Variants in DPH6 observed in about 807,000 individuals in gnomAD.
The protein encoded by DPH6 is diphthine--ammonia ligase.
DPH6 carries 33 observed loss-of-function variants against 38.2 expected under a neutral mutation model. The observed-to-expected ratio is 0.86, with a 90% CI of 0.65 to 1.15. The LOEUF is 1.15. Ranked by LOEUF, DPH6 falls within the 50% of genes most tolerant of loss-of-function variation. The pLI is 0.00. For synonymous variants in DPH6, 108 were observed against 103.0 expected (o/e 1.05, Z -0.30); for missense variants, 325 against 320.0 (o/e 1.02, Z -0.12).
chr15:35,306,449 T>C (rs1198629013), intron 3 of DPH6, among the ~76,000 whole-genome samples: 1 of 152,184 alleles, frequency 6.6e-6, no homozygotes, highest in East Asian at 1.9e-4. Flanking sequence ...TGGTGTTCTA[T>C]CATTCAAAGC....
intron 5 of DPH6, among the ~76,000 whole-genome samples, chr15:35,442,877 CAGGGGTTGG>C (rs966862665): frequency 6.6e-6 from 1 of 152,056 alleles, no homozygotes; most frequent in African/African-American, 2.4e-5. Context: ...AGCAGTGGGG[CAGGGGTTGG>C]AGGCAACTTG....
At chr15:35,524,596 T>A (rs8034598) in intron 3 of DPH6, among the ~76,000 whole-genome samples, 16,876 of 152,176 alleles carry the variant, frequency 0.11, 1,446 homozygotes, top group African/African-American at 0.24. Flanking sequence ...GTTCTACCAC[T>A]TTTTAGCTGT....
At chr15:35,243,277 A>C (rs1331693683) in intron 3 of DPH6, among the ~76,000 whole-genome samples, 4,381 of 140,006 alleles carry the variant, frequency 0.031, 560 homozygotes, top group African/African-American at 0.11. Context: ...CGCCCCTAAT[A>C]CCGCTTGAAG....
At chr15:35,420,794 G>A (rs754109274) in intron 5 of DPH6, among the ~76,000 whole-genome samples, 9 of 152,122 alleles carry the variant, frequency 5.9e-5, no homozygotes, top group African/African-American at 1.7e-4. Context: ...GGATTACAGC[G>A]TGAGCCACTG....
At chr15:35,393,230 A>G (rs547969888) in intron 6 of DPH6, among the ~76,000 whole-genome samples, 5 of 152,272 alleles carry the variant, frequency 3.3e-5, no homozygotes, top group Admixed American at 3.3e-4. Context: ...GCAAGTAGCA[A>G]TGGGGATGGA....
At chr15:35,386,790 T>C (rs2052966291) in intron 6 of DPH6, among the ~76,000 whole-genome samples, 1 of 152,206 alleles carries the variant, frequency 6.6e-6, no homozygotes, top group Admixed American at 6.5e-5. Context: ...ATTTTGTAGG[T>C]TGCCTGTTCA....
intron 3 of DPH6, among the ~76,000 whole-genome samples, chr15:35,269,044 C>T (rs988829347): frequency 1.3e-5 from 2 of 152,154 alleles, no homozygotes; most frequent in Non-Finnish European, 2.9e-5. Flanking sequence ...TTTACAATAA[C>T]TCCCCAATAT....
intron 5 of DPH6, among the ~76,000 whole-genome samples, chr15:35,438,342 C>T (rs1566909976): frequency 6.6e-6 from 1 of 152,108 alleles, no homozygotes; most frequent in African/African-American, 2.4e-5. Flanking sequence ...ACTGCAACCT[C>T]CATGTCCCTG....
chr15:35,463,898 T>A (rs2054095173), intron 3 of DPH6, among the ~76,000 whole-genome samples: 1 of 152,104 alleles, frequency 6.6e-6, no homozygotes, highest in Non-Finnish European at 1.5e-5. Context: ...TTGTGACAGG[T>A]CCTATACTAG....
intron 3 of DPH6, chr15:35,237,243 T>C: frequency 2.4e-6 from 3 of 1,235,522 alleles, no homozygotes; most frequent in Admixed American, 3.4e-5. Flanking sequence ...CGGAGCTGGT[T>C]GAGCCTTGAA....
chr15:35,301,731 C>T (rs537101963), intron 3 of DPH6, among the ~76,000 whole-genome samples: 4 of 152,150 alleles, frequency 2.6e-5, no homozygotes, highest in South Asian at 2.1e-4. Context: ...CCAGCACTTT[C>T]GGAGGCCAAG....
chr15:35,483,475 A>C (rs199892656), intron 3 of DPH6, among the ~76,000 whole-genome samples: 3 of 113,896 alleles, frequency 2.6e-5, no homozygotes, highest in East Asian at 2.6e-4. Context: ...AAAAAAAACC[A>C]AAAAAAAAAA....
downstream of DPH6, among the ~76,000 whole-genome samples, chr15:35,214,899 C>T (rs544087905): frequency 7.9e-5 from 12 of 152,286 alleles, no homozygotes; most frequent in South Asian, 4.1e-4. Flanking sequence ...TGAGCCACCA[C>T]GCTTGGCCCT....
At chr15:35,329,728 TAG>T (rs2052312638), downstream of DPH6, among the ~76,000 whole-genome samples, 1 of 152,138 alleles carries the variant, frequency 6.6e-6, no homozygotes, top group Non-Finnish European at 1.5e-5. Flanking sequence ...GTAATTCACT[TAG>T]CTCTCCCCTA....
chr15:35,198,534 T>C, the DPH6 span, among the ~76,000 whole-genome samples: 1 of 152,210 alleles, frequency 6.6e-6, no homozygotes, highest in Non-Finnish European at 1.5e-5. Context: ...GCATACAAAA[T>C]TATTCATTTA....
At chr15:35,480,472 A>G (rs2054313679) in intron 3 of DPH6, among the ~76,000 whole-genome samples, 1 of 152,086 alleles carries the variant, frequency 6.6e-6, no homozygotes, top group South Asian at 2.1e-4. Context: ...AACATCCACA[A>G]TTAAATCTTA....
chr15:35,269,790 CTTTT>C (rs1198000526), intron 3 of DPH6, among the ~76,000 whole-genome samples: 1 of 108,540 alleles, frequency 9.2e-6, no homozygotes, highest in Admixed American at 9.8e-5. Flanking sequence ...GGGTGTGTTT[CTTTT>C]TTTTTTTTTT....
the DPH6 span, among the ~76,000 whole-genome samples, chr15:35,156,565 C>A: frequency 6.6e-6 from 1 of 151,836 alleles, no homozygotes. Flanking sequence ...TGGGATGGGG[C>A]ACACTTATTT....
the DPH6 span, chr15:35,169,820 GGCTTTT>G: frequency 1.3e-5 from 2 of 152,098 alleles, no homozygotes; most frequent in African/African-American, 4.8e-5. Flanking sequence ...GCTCTAGAAA[GGCTTTT>G]GCTTTAAACA....
Sources: gnomAD v4.1 joint callset for allele counts (sites outside exome capture counted in the v4.1 genomes callset) on GRCh38, gnomAD v4.1.1 for gene constraint, MANE v1.5 for transcripts, NCBI Gene and HGNC (gene_info 2026-07-23, HGNC 2026-07-21) for gene names.